The following USP33 variants were observed in gnomAD, a reference collection of about 807,000 sequenced individuals.
USP33 encodes the protein ubiquitin specific peptidase 33.
A neutral mutation model predicts 124.2 loss-of-function variants in USP33; 46 were observed. That is an observed-to-expected ratio of 0.37 (90% CI 0.29 to 0.47). The LOEUF (loss-of-function observed/expected upper bound fraction) is 0.47, where lower values mean the gene tolerates loss of function less well. Ranked by LOEUF, USP33 falls within the 20% of genes least tolerant of loss-of-function variation. USP33 has a pLI of 0.99. For missense variants in USP33, 851 were observed against 1,070.6 expected (o/e 0.79, Z 2.86); for synonymous variants, 350 against 352.3 (o/e 0.99, Z 0.07).
intron 7 of USP33, among the ~76,000 whole-genome samples, chr1:77,731,248 T>C (rs1020596612): frequency 1.3e-5 from 2 of 152,258 alleles, no homozygotes; most frequent in Non-Finnish European, 2.9e-5. Flanking sequence ...TTCAGATTTA[T>C]ATGAAATGCC....
intron 6 of USP33, among the ~76,000 whole-genome samples, chr1:77,735,579 T>A (rs1171959416): frequency 1.3e-5 from 2 of 152,174 alleles, no homozygotes; most frequent in African/African-American, 2.4e-5. Flanking sequence ...GTATCAATTA[T>A]AAAACAGAAA....
intron 3 of USP33, 134 bp from the exon 4 acceptor site, chr1:77,741,073 T>G: frequency 1.5e-6 from 1 of 658,402 alleles, no homozygotes; most frequent in East Asian, 2.9e-5. Context: ...GACTTTCCAG[T>G]CATTAAATTT....
chr1:77,698,521 A>G (rs565264443), intron 22 of USP33, among the ~76,000 whole-genome samples: 23 of 137,506 alleles, frequency 1.7e-4, no homozygotes, highest in African/African-American at 5.3e-4. Context: ...TTTTTTTGAG[A>G]CGGAGTCTCG....
At position 77,709,205 on chromosome 1, in the gene USP33, A is replaced by G. The variant is rs145554117; in HGVS notation, c.2406+2542T>C. On this transcript the variant is annotated intron_variant, in intron 21 of 23. Coordinates refer to ENST00000370794, the MANE Select transcript of USP33 (RefSeq NM_201624.3). ...CTCCTATTTTATTTAATGAGGTTAT[A>G]TGTTACTGTAATTTATTTTGAGGCT... 1.9e-3 allele frequency among the ~76,000 whole-genome samples: 296 copies of G among 152,184 alleles called. 2 individuals carry two copies. Among genetic ancestry groups the G allele is most frequent in the African/African-American group, 7.1e-3 (293 of 41,530 alleles).
At position 77,702,141 on chromosome 1, in the gene USP33, C is replaced by CAAAAAAAAAAAAAAA. The variant is rs58750531; in HGVS notation, c.2407-685_2407-671dup. On this transcript the variant is annotated intron_variant, in intron 21 of 23. Transcript: ENST00000370794. ...TGGGTGACAGAACAAGACCCTGTCTCAAAAAAAAAAAAAAAAAAAAAAAAA... is the reference window on the plus strand; with the variant it reads ...TGGGTGACAGAACAAGACCCTGTCTCAAAAAAAAAAAAAAAAAAAAAAAAAAAAAAAAAAAAAAAA... 1.6e-3 allele frequency among the ~76,000 whole-genome samples: 25 copies of CAAAAAAAAAAAAAAA among 15,784 alleles called. 1 individual carries two copies. Among genetic ancestry groups the CAAAAAAAAAAAAAAA allele is most frequent in the African/African-American group, 3.2e-3 (25 of 7,804 alleles). The allele number at this position is 15,784 out of a possible 152,430, so 10.4% of individuals were successfully genotyped here.
In USP33 at chr1:77,697,938, G is replaced by GA. The variant is rs764166675; in HGVS notation, c.2510-8dup. 32 of 1,585,128 alleles carry GA rather than the reference G, an allele frequency of 2.0e-5. No individual in the cohort carries two copies. The East Asian group carries it at 4.6e-4, about 23-fold the overall frequency. ...TCAATAGGACCTGGAGGATCTAAAG[G>GA]AAAAAATATCAAAATGTATTTTTCA... On this transcript the variant is annotated splice_region_variant and splice_polypyrimidine_tract_variant and intron_variant, in intron 22 of 23. Transcript: ENST00000370794.
Position 77,711,786 on chromosome 1 carries a change from A to C in USP33, c.2367T>G (p.Ile789Met). The change falls in exon 21 of 24, where the codon ATT (isoleucine) becomes ATG (methionine). Residue 789 changes from isoleucine to methionine, a missense_variant. Coordinates refer to ENST00000370794, the MANE Select transcript of USP33 (RefSeq NM_201624.3). ...CCAATTCAGTTTTTCTTCTTTTTTC[A>C]ATTTTCTCCGCCTCAATTTGGCAAG... ...CHTCQIEAEKIEKRRKTELEI... is the reference protein window; with the variant it reads ...CHTCQIEAEKMEKRRKTELEI... 1 of 1,609,924 alleles carries C rather than the reference A, an allele frequency of 6.2e-7. No homozygotes were observed. Among genetic ancestry groups the C allele is most frequent in the Non-Finnish European group, 8.5e-7 (1 of 1,178,936 alleles).
intron 11 of USP33, among the ~76,000 whole-genome samples, chr1:77,724,505 A>C (rs1274733030): frequency 6.6e-6 from 1 of 152,160 alleles, no homozygotes; most frequent in African/African-American, 2.4e-5. Context: ...ATAATACTGG[A>C]ACTCCCATAT....
Position 77,728,676 on chromosome 1 carries a change from G to A in USP33, c.754C>T (p.Leu252Phe). Residue 252 changes from leucine to phenylalanine, a missense_variant, in exon 10 of 24, where the codon CTT becomes TTT. Leu to Phe is a conservative substitution (Grantham distance 22). This residue lies in a region of USP33 where 221 missense variants were observed against 302.9 expected (regional missense o/e 0.73). Coordinates refer to ENST00000370794, the MANE Select transcript of USP33 (RefSeq NM_201624.3). ...QEFLRCLMDL[L>F]HEELKEQVME... is the part of the protein sequence containing the mutation. ...ACTTGCTCTTTCAATTCTTCATGAA[G>A]CAAATCCATTAAACATCGAAGGAAT... The A allele has an allele frequency of 6.2e-7, 1 of 1,613,510 alleles. No individual in the cohort carries two copies. The highest frequency in any genetic ancestry group is 8.5e-7 in the Non-Finnish European group (1 of 1,179,896).
At chr1:77,755,807 C>T (rs1252201472) in intron 1 of USP33, among the ~76,000 whole-genome samples, 1 of 152,214 alleles carries the variant, frequency 6.6e-6, no homozygotes, top group Non-Finnish European at 1.5e-5. Context: ...CACCACATTA[C>T]TGTATTTCAG....
At chr1:77,702,230 T>TCTA (rs993538185) in intron 21 of USP33, among the ~76,000 whole-genome samples, 25 of 141,756 alleles carry the variant, frequency 1.8e-4, no homozygotes, top group African/African-American at 6.5e-4. Flanking sequence ...CGTGGTAGCA[T>TCTA]CTATGAATAA....
chr1:77,697,135 C>A lies in USP33; in HGVS notation c.*182G>T. Reference sequence around the variant, plus strand: ...GGTAAGTATTTAAAACTAAATATACCAACCTGTGGTATATTACACATTTTA... The same window carrying A: ...GGTAAGTATTTAAAACTAAATATACAAACCTGTGGTATATTACACATTTTA... On this transcript the variant is annotated 3_prime_UTR_variant, in exon 24 of 24. Transcript: ENST00000370794. 3.8e-6 allele frequency: 2 copies of A among 524,826 alleles called. No individual in the cohort carries two copies. The highest frequency in any genetic ancestry group is 6.4e-6 in the Non-Finnish European group (2 of 313,732). 32.5% of individuals were successfully genotyped at this position (524,826 alleles called of 1,614,324 possible). A position where few individuals can be genotyped will look rare whatever the true frequency, so the allele number is the denominator to read the frequency against.
chr1:77,752,930 T>C (rs1448898907), intron 1 of USP33, among the ~76,000 whole-genome samples: 4 of 151,602 alleles, frequency 2.6e-5, no homozygotes, highest in Non-Finnish European at 5.9e-5. Flanking sequence ...ACACAAAAAA[T>C]TAGCAGGGCG....
chr1:77,726,775 TAA>T (rs1235598400), intron 10 of USP33, among the ~76,000 whole-genome samples: 7 of 152,112 alleles, frequency 4.6e-5, no homozygotes, highest in African/African-American at 1.7e-4. Flanking sequence ...AAAGTAATCA[TAA>T]GTTATTTTAT....
chr1:77,744,664 C>T (rs1258008138), intron 1 of USP33, among the ~76,000 whole-genome samples: 2 of 152,016 alleles, frequency 1.3e-5, no homozygotes, highest in Admixed American at 6.6e-5. Context: ...AGCAACATAG[C>T]GAGACCTCGT....
chr1:77,698,067 T>TC (rs1001125739), intron 22 of USP33, 136 bp from the exon 23 acceptor site: 1 of 618,696 alleles, frequency 1.6e-6, no homozygotes, highest in Non-Finnish European at 2.7e-6. Flanking sequence ...TATAGTTAAT[T>TC]CTTTTTTTTT....
At chr1:77,723,017 C>T (rs1175935052) in intron 12 of USP33, among the ~76,000 whole-genome samples, 2 of 152,184 alleles carry the variant, frequency 1.3e-5, no homozygotes, top group Admixed American at 1.3e-4. Context: ...CAAATTTCAT[C>T]AGCCTGGGAG....
chr1:77,728,855 G>T, intron 9 of USP33, 143 bp from the exon 10 acceptor site: 1 of 890,838 alleles, frequency 1.1e-6, no homozygotes, highest in Non-Finnish European at 1.7e-6. Context: ...AGAGCATAAG[G>T]CACTAGATAA....
chr1:77,714,682 A>C lies in USP33; in HGVS notation c.2147T>G (p.Leu716Arg). Residue 716 changes from leucine to arginine, a missense_variant, in exon 19 of 24, where the codon CTT becomes CGT. Coordinates refer to ENST00000370794, the MANE Select transcript of USP33 (RefSeq NM_201624.3). ...TTCGGCAAAGGTCTTAAATTTATTA[A>C]GCCACTGTCGAGAAATATAAAACTG... ...LLQFYISRQW[L>R]NKFKTFAEPG... The C allele has an allele frequency of 6.2e-7, 1 of 1,613,324 alleles. No individual in the cohort carries two copies. The highest frequency in any genetic ancestry group is 1.1e-5 in the South Asian group (1 of 91,032).
Sources: gnomAD v4.1 joint callset for allele counts (sites outside exome capture counted in the v4.1 genomes callset) on GRCh38, gnomAD v4.1.1 for gene constraint, gnomAD v4.1.1 regional missense constraint, MANE v1.5 for transcripts, NCBI Gene and HGNC (gene_info 2026-07-23, HGNC 2026-07-21) for gene names.